The following MAST4 variants were observed in gnomAD, a reference collection of about 807,000 sequenced individuals.
The protein encoded by MAST4 is microtubule associated serine/threonine kinase family member 4.
MAST4 carries 89 observed loss-of-function variants against 162.7 expected under a neutral mutation model. That is an observed-to-expected ratio of 0.55 (90% CI 0.46 to 0.65). MAST4 has a LOEUF of 0.65. MAST4 is among the 30% of genes least tolerant of loss of function. The probability of loss-of-function intolerance (pLI) is 0.00; values close to 1 mark genes in which losing one functional copy is unlikely to be tolerated. For synonymous variants in MAST4, 1,479 were observed against 1,361.1 expected (o/e 1.09, Z -1.91); for missense variants, 3,153 against 3,374.0 (o/e 0.93, Z 1.62).
At chr5:66,753,543 A>G (rs1258157136) in intron 1 of MAST4, among the ~76,000 whole-genome samples, 1 of 151,812 alleles carries the variant, frequency 6.6e-6, no homozygotes, top group Admixed American at 6.5e-5. Flanking sequence ...ATAAACTAGA[A>G]AATCTAGAAG....
At chr5:66,783,244 T>A (rs1431834585) in intron 2 of MAST4, 3 of 152,266 alleles carry the variant, frequency 2.0e-5, no homozygotes, top group Non-Finnish European at 4.4e-5. Flanking sequence ...CTGCTCACTT[T>A]ATAATTTAAT....
chr5:66,829,481 A>T (rs923270347), intron 3 of MAST4, among the ~76,000 whole-genome samples: 3 of 152,214 alleles, frequency 2.0e-5, no homozygotes, highest in African/African-American at 7.2e-5. Context: ...TTTATTGTAC[A>T]AATACATTCT....
At chr5:67,076,117 T>C (rs1202766681) in intron 5 of MAST4, among the ~76,000 whole-genome samples, 1 of 152,208 alleles carries the variant, frequency 6.6e-6, no homozygotes, top group East Asian at 1.9e-4. Context: ...AAATTGAGCA[T>C]GAGCACCCTG....
intron 1 of MAST4, among the ~76,000 whole-genome samples, chr5:66,704,956 G>T (rs982261330): frequency 6.6e-6 from 1 of 152,148 alleles, no homozygotes; most frequent in Admixed American, 6.5e-5. Context: ...TAGAGGTGGG[G>T]TCACTCAACC....
chr5:66,989,927 G>T (rs1286657050), intron 4 of MAST4, among the ~76,000 whole-genome samples: 2 of 152,136 alleles, frequency 1.3e-5, no homozygotes, highest in African/African-American at 4.8e-5. Context: ...ATGTGCTTTT[G>T]TAGCTTTATT....
Position 67,167,080 on chromosome 5 carries a change from A to C in MAST4, c.*29A>C, listed in dbSNP as rs750232816. The C allele has an allele frequency of 2.0e-6, 3 of 1,530,224 alleles. No individual in the cohort carries two copies. Among genetic ancestry groups the C allele is most frequent in the Non-Finnish European group, 1.8e-6 (2 of 1,138,248 alleles). 94.8% of individuals were successfully genotyped at this position (1,530,224 alleles called of 1,614,324 possible). On this transcript the variant is annotated 3_prime_UTR_variant, in exon 29 of 29. Transcript: ENST00000403625. ...GGAGGGCCCAGGGGCAGGACTGTGG[A>C]GACCCGTCCTGAACGGGCGACTGTG...
Position 67,113,992 on chromosome 5 carries a change from A to G in MAST4, c.1459-95A>G, listed in dbSNP as rs942424275. 5.0e-6 allele frequency: 7 copies of G among 1,405,764 alleles called. No homozygotes were observed. In the African/African-American group the frequency reaches 1.0e-4, roughly 20 times the overall value. 87.1% of individuals were successfully genotyped at this position (1,405,764 alleles called of 1,614,324 possible). On this transcript the variant is annotated intron_variant, in intron 11 of 28. Transcript: ENST00000403625. ...CTGCATAAGTAACTTACAGCCATGT[A>G]TACCCAGCAGTTATATTGTGAATGG...
rs186318064 is a variant in MAST4, at chr5:66,842,433, T to C, written c.642+53639T>C. Among the ~76,000 whole-genome samples, 23 of 152,284 alleles carry C rather than the reference T, an allele frequency of 1.5e-4. No individual in the cohort carries two copies. The East Asian group carries it at 3.9e-3, about 26-fold the overall frequency. On this transcript the variant is annotated intron_variant, in intron 3 of 28. Transcript: ENST00000403625. ...CTTTCCACCTCCTGATTTTTGTGTG[T>C]GGCTCCTTCCCCTACCCCCTCCCGC...
At chr5:66,721,274 C>G (rs994838016) in intron 1 of MAST4, among the ~76,000 whole-genome samples, 1 of 152,164 alleles carries the variant, frequency 6.6e-6, no homozygotes. Context: ...TTCACCTCCC[C>G]CTGCTCTCTC....
chr5:66,842,246 G>A (rs971663477), intron 3 of MAST4, among the ~76,000 whole-genome samples: 1 of 152,170 alleles, frequency 6.6e-6, no homozygotes, highest in Non-Finnish European at 1.5e-5. Context: ...AGAGGGCATG[G>A]TGAATAGGGT....
intron 1 of MAST4, among the ~76,000 whole-genome samples, chr5:66,750,954 C>A (rs1180001581): frequency 2.0e-5 from 3 of 152,232 alleles, no homozygotes; most frequent in Non-Finnish European, 4.4e-5. Flanking sequence ...GATCTGAGAA[C>A]AGGCAGACTG....
intron 4 of MAST4, among the ~76,000 whole-genome samples, chr5:66,978,907 T>C (rs1162059511): frequency 1.3e-5 from 2 of 152,168 alleles, no homozygotes; most frequent in African/African-American, 2.4e-5. Flanking sequence ...GTAAGATTTC[T>C]GCATAGGAGA....
At chr5:66,859,879 T>C (rs899929834) in intron 3 of MAST4, among the ~76,000 whole-genome samples, 1 of 152,224 alleles carries the variant, frequency 6.6e-6, no homozygotes, top group Non-Finnish European at 1.5e-5. Flanking sequence ...GTAGGTCATA[T>C]TGTTTATGGC....
At chr5:66,810,349 G>T (rs966152873) in intron 3 of MAST4, among the ~76,000 whole-genome samples, 1 of 152,188 alleles carries the variant, frequency 6.6e-6, no homozygotes, top group Non-Finnish European at 1.5e-5. Context: ...GTCCCACGCG[G>T]TCACTCAGGC....
At chr5:66,847,820 CAAA>C (rs777825639) in intron 3 of MAST4, among the ~76,000 whole-genome samples, 13 of 54,142 alleles carry the variant, frequency 2.4e-4, no homozygotes, top group East Asian at 2.1e-3. Context: ...GACTCCTTCT[CAAA>C]AAAAAAAAAA....
intron 17 of MAST4, 103 bp downstream of exon 17, chr5:67,133,749 G>A: frequency 7.9e-7 from 1 of 1,273,122 alleles, no homozygotes; most frequent in Non-Finnish European, 1.1e-6. Flanking sequence ...TAGTGCTGGT[G>A]GTTTAGATGT....
At chr5:66,629,712 T>A (rs1412847997) in intron 1 of MAST4, among the ~76,000 whole-genome samples, 1 of 152,138 alleles carries the variant, frequency 6.6e-6, no homozygotes, top group Admixed American at 6.6e-5. Context: ...TGGGAGCTGA[T>A]GAAAGAATGG....
chr5:66,630,865 G>A (rs1407761721), intron 1 of MAST4, among the ~76,000 whole-genome samples: 2 of 152,176 alleles, frequency 1.3e-5, no homozygotes, highest in Non-Finnish European at 2.9e-5. Flanking sequence ...ATTGGCTCAG[G>A]AATAACATCA....
intron 1 of MAST4, among the ~76,000 whole-genome samples, chr5:66,600,308 T>G (rs759566807): frequency 1.3e-5 from 2 of 152,222 alleles, no homozygotes; most frequent in Non-Finnish European, 2.9e-5. Context: ...TCCGTGTGTG[T>G]TGAGGAGGTA....
Sources: gnomAD v4.1 joint callset for allele counts (sites outside exome capture counted in the v4.1 genomes callset) on GRCh38, gnomAD v4.1.1 for gene constraint, MANE v1.5 for transcripts, NCBI Gene and HGNC (gene_info 2026-07-23, HGNC 2026-07-21) for gene names.